The following PTPRK variants were observed in gnomAD, a reference collection of about 807,000 sequenced individuals.
The protein encoded by PTPRK is protein tyrosine phosphatase receptor type K, also known as receptor-type tyrosine-protein phosphatase kappa.
PTPRK carries 75 observed loss-of-function variants against 178.0 expected under a neutral mutation model. The observed-to-expected ratio is 0.42, with a 90% CI of 0.35 to 0.51. The LOEUF (loss-of-function observed/expected upper bound fraction) is 0.51. PTPRK is among the 20% of genes least tolerant of loss of function. The probability of loss-of-function intolerance (pLI) is 0.02; values close to 1 mark genes in which losing one functional copy is unlikely to be tolerated. For synonymous variants in PTPRK, 637 were observed against 620.6 expected (o/e 1.03, Z -0.39); for missense variants, 1,441 against 1,797.8 (o/e 0.80, Z 3.59).
chr6:128,372,372 G>A (rs1836420052), intron 2 of PTPRK, among the ~76,000 whole-genome samples: 1 of 152,100 alleles, frequency 6.6e-6, no homozygotes, highest in Non-Finnish European at 1.5e-5. Flanking sequence ...TTAACGCTTT[G>A]GGTGTGGTAA....
At chr6:128,030,671 C>T (rs1775165429) in intron 13 of PTPRK, among the ~76,000 whole-genome samples, 2 of 152,212 alleles carry the variant, frequency 1.3e-5, no homozygotes, top group Non-Finnish European at 2.9e-5. Context: ...ACAACTCCTA[C>T]CTGGCTGATC....
intron 1 of PTPRK, among the ~76,000 whole-genome samples, chr6:128,471,370 G>T (rs1008963871): frequency 6.6e-6 from 1 of 151,610 alleles, no homozygotes; most frequent in East Asian, 1.9e-4. Flanking sequence ...TGAATGGGGG[G>T]GAAAAGTGAA....
intron 3 of PTPRK, among the ~76,000 whole-genome samples, chr6:128,258,156 CTCTT>C (rs2128292356): frequency 6.6e-6 from 1 of 152,162 alleles, no homozygotes; most frequent in South Asian, 2.1e-4. Flanking sequence ...AAATTTTATT[CTCTT>C]TAAGAAATAA....
In PTPRK at chr6:128,397,570, G is replaced by A. The variant is rs2128369037; in HGVS notation, c.219C>T (p.Pro73=). Residue 73 remains proline (P), a synonymous_variant, in exon 2 of 30, where the codon CCC becomes CCT. Coordinates refer to ENST00000368226, the MANE Select transcript of PTPRK (RefSeq NM_002844.4). ...QEPHYLPPEM[P]QGSYMIVDSS... ...ACTAAACAGAGTGACTCTCACCTTG[G>A]GGCATCTCGGGTGGTAGATAATGAG... 6.2e-7 allele frequency: 1 copy of A among 1,613,708 alleles called. No homozygotes were observed.
chr6:128,492,459 T>A (rs996157843), intron 1 of PTPRK, among the ~76,000 whole-genome samples: 1 of 152,190 alleles, frequency 6.6e-6, no homozygotes, highest in Admixed American at 6.5e-5. Flanking sequence ...AAAATGAAAA[T>A]TCCAATATAT....
intron 18 of PTPRK, 101 bp from the exon 19 acceptor site, chr6:127,992,810 T>G: frequency 1.0e-6 from 1 of 973,202 alleles, no homozygotes; most frequent in Non-Finnish European, 1.5e-6. Context: ...AAGATTAAGT[T>G]ATAATAAAAA....
chr6:128,016,574 TG>T (rs1018015919), intron 13 of PTPRK, among the ~76,000 whole-genome samples: 2 of 151,928 alleles, frequency 1.3e-5, no homozygotes, highest in Admixed American at 1.3e-4. Context: ...TTTGGGGTAA[TG>T]TGCCCTGAAA....
intron 7 of PTPRK, among the ~76,000 whole-genome samples, chr6:128,161,175 T>C (rs886823563): frequency 4.6e-5 from 7 of 151,774 alleles, no homozygotes; most frequent in African/African-American, 1.7e-4. Context: ...AAACAATTTG[T>C]TTTGCATGTG....
chr6:128,294,793 AT>A (rs1318301124), intron 3 of PTPRK, among the ~76,000 whole-genome samples: 1 of 152,086 alleles, frequency 6.6e-6, no homozygotes, highest in African/African-American at 2.4e-5. Context: ...TAATATGTGT[AT>A]AATATACATT....
At chr6:128,145,184 G>C (rs555760909) in intron 7 of PTPRK, among the ~76,000 whole-genome samples, 1 of 152,236 alleles carries the variant, frequency 6.6e-6, no homozygotes, top group South Asian at 2.1e-4. Flanking sequence ...AAGAAAGCTA[G>C]AGGTGAATTT....
At chr6:128,130,307 C>G (rs1248271785) in intron 7 of PTPRK, among the ~76,000 whole-genome samples, 1 of 152,128 alleles carries the variant, frequency 6.6e-6, no homozygotes, top group African/African-American at 2.4e-5. Context: ...ATAACTCTTG[C>G]AATGAACAGA....
intron 6 of PTPRK, among the ~76,000 whole-genome samples, chr6:128,191,515 G>A (rs763526697): frequency 2.3e-4 from 35 of 151,712 alleles, no homozygotes; most frequent in Non-Finnish European, 3.8e-4. Flanking sequence ...ATATAGGTAA[G>A]TATAATTAAT....
intron 1 of PTPRK, among the ~76,000 whole-genome samples, chr6:128,463,741 GTTTTT>G (rs896710320): frequency 2.1e-5 from 2 of 96,866 alleles, no homozygotes; most frequent in Non-Finnish European, 4.2e-5. Context: ...AATCTTCACG[GTTTTT>G]TTTTTTTTTT....
chr6:128,389,383 T>G (rs886449075), intron 2 of PTPRK, among the ~76,000 whole-genome samples: 2 of 142,164 alleles, frequency 1.4e-5, no homozygotes, highest in African/African-American at 5.0e-5. Flanking sequence ...TACCTTTTCT[T>G]GTTTGCTCGG....
chr6:128,089,246 G>T (rs1047810772), intron 8 of PTPRK, among the ~76,000 whole-genome samples: 1 of 152,184 alleles, frequency 6.6e-6, no homozygotes, highest in Non-Finnish European at 1.5e-5. Flanking sequence ...TTACAGGCAT[G>T]AACCACTACA....
intron 1 of PTPRK, among the ~76,000 whole-genome samples, chr6:128,477,906 C>T (rs970842090): frequency 6.6e-6 from 1 of 152,024 alleles, no homozygotes; most frequent in Non-Finnish European, 1.5e-5. Flanking sequence ...TTTAACAACT[C>T]CTTCTCCAGC....
chr6:128,344,383 G>A (rs937896973), intron 2 of PTPRK, among the ~76,000 whole-genome samples: 6 of 152,066 alleles, frequency 3.9e-5, no homozygotes, highest in Admixed American at 2.6e-4. Flanking sequence ...TGCTGAATTC[G>A]CTAACAATTG....
intron 18 of PTPRK, among the ~76,000 whole-genome samples, chr6:127,993,752 A>T (rs1216619983): frequency 6.6e-6 from 1 of 151,752 alleles, no homozygotes; most frequent in African/African-American, 2.4e-5. Context: ...TCTTAAAAAA[A>T]ATACCAATTG....
At chr6:128,160,502 G>A (rs1798558262) in intron 7 of PTPRK, among the ~76,000 whole-genome samples, 1 of 151,662 alleles carries the variant, frequency 6.6e-6, no homozygotes, top group African/African-American at 2.4e-5. Flanking sequence ...TAAGAGAGAA[G>A]GAGTTTGCAC....
Sources: gnomAD v4.1 joint callset for allele counts (sites outside exome capture counted in the v4.1 genomes callset) on GRCh38, gnomAD v4.1.1 for gene constraint, MANE v1.5 for transcripts, NCBI Gene and HGNC (gene_info 2026-07-23, HGNC 2026-07-21) for gene names.